Variants in SPECC1 observed in about 807,000 individuals in gnomAD.
SPECC1 encodes the protein sperm antigen with calponin homology and coiled-coil domains 1.
In SPECC1, 62 loss-of-function variants were observed where a neutral mutation model predicts 104.1. The observed-to-expected ratio is 0.60, with a 90% CI of 0.49 to 0.74. The LOEUF (loss-of-function observed/expected upper bound fraction) is 0.74, where lower values mean the gene tolerates loss of function less well. SPECC1 is among the 30% of genes least tolerant of loss of function. The pLI is 0.00. For missense variants in SPECC1, 1,306 were observed against 1,310.5 expected, an observed-to-expected ratio of 1.00 and a Z score of 0.05; for synonymous variants, 513 against 501.6, an observed-to-expected ratio of 1.02 and a Z score of -0.30.
chr17:20,231,574 T>G (rs982501745), intron 5 of SPECC1, among the ~76,000 whole-genome samples, 184 bp from the exon 6 acceptor site: 1 of 152,178 alleles, frequency 6.6e-6, no homozygotes, highest in Non-Finnish European at 1.5e-5. Flanking sequence ...CAGAGGAGGC[T>G]CTTGTGTCCA....
intron 3 of SPECC1, among the ~76,000 whole-genome samples, chr17:20,141,991 T>C (rs905811727): frequency 6.6e-6 from 1 of 152,196 alleles, no homozygotes; most frequent in African/African-American, 2.4e-5. Flanking sequence ...CTGAGCTTTT[T>C]CCCCTCTTTC....
chr17:20,012,737 T>A (rs2043986102), intron 1 of SPECC1, among the ~76,000 whole-genome samples: 1 of 152,108 alleles, frequency 6.6e-6, no homozygotes. Flanking sequence ...TTATTATTTT[T>A]ATTTTTACCA....
chr17:20,093,441 A>G (rs2047492726), intron 1 of SPECC1, among the ~76,000 whole-genome samples: 3 of 152,196 alleles, frequency 2.0e-5, no homozygotes, highest in Non-Finnish European at 4.4e-5. Context: ...TTACTGAGCT[A>G]TTTACATAGA....
intron 12 of SPECC1, among the ~76,000 whole-genome samples, chr17:20,268,172 C>G (rs896770312): frequency 5.3e-5 from 8 of 152,214 alleles, no homozygotes; most frequent in Admixed American, 5.2e-4. Flanking sequence ...ATCTGTTCCA[C>G]TTTTGAAATT....
At chr17:20,254,284 C>G (rs541491858) in intron 10 of SPECC1, among the ~76,000 whole-genome samples, 21 of 152,172 alleles carry the variant, frequency 1.4e-4, no homozygotes, top group African/African-American at 5.1e-4. Context: ...TTTCCTGTGT[C>G]ACAGGCTGAT....
intron 3 of SPECC1, chr17:20,155,777 C>T: frequency 5.6e-6 from 2 of 358,264 alleles, no homozygotes; most frequent in Non-Finnish European, 8.2e-6. Flanking sequence ...TGTGCAGCTG[C>T]GGTTCTCAGC....
chr17:20,072,928 T>A (rs1199951797), intron 1 of SPECC1, among the ~76,000 whole-genome samples: 1 of 152,168 alleles, frequency 6.6e-6, no homozygotes, highest in African/African-American at 2.4e-5. Flanking sequence ...GGCAGTGTAT[T>A]TGGTCCCTGT....
intron 2 of SPECC1, among the ~76,000 whole-genome samples, chr17:20,104,320 G>C (rs768646421): frequency 6.6e-6 from 1 of 152,202 alleles, no homozygotes; most frequent in South Asian, 2.1e-4. Context: ...ATTCTCTGCT[G>C]TTTGTGCTCT....
chr17:20,250,501 G>A (rs537761389), intron 9 of SPECC1, among the ~76,000 whole-genome samples: 1 of 152,148 alleles, frequency 6.6e-6, no homozygotes, highest in African/African-American at 2.4e-5. Context: ...CTATAAATTA[G>A]AAAATATTGA....
chr17:20,195,104 C>T (rs1207601316), intron 3 of SPECC1, among the ~76,000 whole-genome samples: 1 of 152,138 alleles, frequency 6.6e-6, no homozygotes, highest in Non-Finnish European at 1.5e-5. Flanking sequence ...TATTCATGAA[C>T]ATTTCATCTC....
rs2042049648 is a variant in SPECC1 at position 20,317,001 on chromosome 17, A to G, written c.*2936A>G. The G allele has an allele frequency of 1.4e-5, 3 of 208,650 alleles. No individual in the cohort carries two copies. The highest frequency in any genetic ancestry group is 6.8e-5 in the African/African-American group (3 of 43,818). 12.9% of individuals were successfully genotyped at this position (208,650 alleles called of 1,614,324 possible). On this transcript the variant is annotated 3_prime_UTR_variant, in exon 15 of 15. Coordinates refer to ENST00000395527, the MANE Select transcript of SPECC1 (RefSeq NM_001243439.2). ...TTAGGTTAAAAAGAAGGAAAGAAAC[A>G]TGAAAGGCCATGTACAATTTATTTT...
At chr17:20,121,029 G>A (rs1345292136) in intron 3 of SPECC1, among the ~76,000 whole-genome samples, 3 of 152,132 alleles carry the variant, frequency 2.0e-5, no homozygotes, top group African/African-American at 7.2e-5. Context: ...CAGGCCTTAT[G>A]CTGTTCTCTG....
intron 3 of SPECC1, among the ~76,000 whole-genome samples, chr17:20,174,807 C>T (rs184564153): frequency 2.9e-4 from 44 of 152,202 alleles, no homozygotes; most frequent in African/African-American, 7.7e-4. Flanking sequence ...AGGAGGTCAG[C>T]GCCTAGACCT....
At chr17:20,132,126 A>G (rs1036685184) in intron 3 of SPECC1, among the ~76,000 whole-genome samples, 1 of 151,824 alleles carries the variant, frequency 6.6e-6, no homozygotes, top group African/African-American at 2.4e-5. Flanking sequence ...GAATTTGTCT[A>G]ATGTTTTCTC....
At chr17:20,237,934 A>G (rs541069701) in intron 7 of SPECC1, 25 of 604,324 alleles carry the variant, frequency 4.1e-5, no homozygotes, top group African/African-American at 2.0e-4. Flanking sequence ...TAGAGATGCA[A>G]TTTCACCATG....
chr17:20,185,770 T>C (rs182633628), intron 3 of SPECC1, among the ~76,000 whole-genome samples: 1 of 152,342 alleles, frequency 6.6e-6, no homozygotes, highest in African/African-American at 2.4e-5. Flanking sequence ...GATGGTCCCA[T>C]GAACCAGAAG....
intron 12 of SPECC1, among the ~76,000 whole-genome samples, chr17:20,294,774 A>C (rs146621863): frequency 6.6e-6 from 1 of 152,162 alleles, no homozygotes; most frequent in East Asian, 1.9e-4. Context: ...GCATGTACAA[A>C]ACTAATCAGG....
intron 2 of SPECC1, 140 bp from the exon 3 acceptor site, chr17:20,110,287 A>G (rs1334871452): frequency 9.7e-7 from 1 of 1,030,174 alleles, no homozygotes; most frequent in Non-Finnish European, 1.4e-6. Context: ...TTTTCACTTC[A>G]CTCTATCATG....
chr17:20,208,715 A>G (rs1229773532), intron 4 of SPECC1, among the ~76,000 whole-genome samples: 1 of 152,232 alleles, frequency 6.6e-6, no homozygotes, highest in Non-Finnish European at 1.5e-5. Flanking sequence ...GGAAGCATTT[A>G]ACATTTAATT....
Sources: gnomAD v4.1 joint callset for allele counts (sites outside exome capture counted in the v4.1 genomes callset) on GRCh38, gnomAD v4.1.1 for gene constraint, MANE v1.5 for transcripts, NCBI Gene and HGNC (gene_info 2026-07-23, HGNC 2026-07-21) for gene names.